COPS4: variants seen among roughly 807,000 people sequenced by gnomAD.
COPS4 encodes COP9 signalosome subunit 4.
Under a neutral mutation model 55.1 loss-of-function variants are expected in COPS4, and 8 were observed. The ratio of observed to expected loss-of-function variants is 0.15; its 90% CI spans 0.09 to 0.26. COPS4 has a LOEUF of 0.26. COPS4 is among the 10% of genes least tolerant of loss of function. The pLI is 1.00. For missense variants in COPS4, 248 were observed against 484.0 expected, an observed-to-expected ratio of 0.51 and a Z score of 4.58; for synonymous variants, 185 against 165.7, an observed-to-expected ratio of 1.12 and a Z score of -0.90.
At chr4:83,072,331 C>T (rs192512941) in intron 9 of COPS4, among the ~76,000 whole-genome samples, 19 of 151,702 alleles carry the variant, frequency 1.3e-4, no homozygotes, top group African/African-American at 4.6e-4. Context: ...AACTCCCAAC[C>T]TCAGGTGATC....
At chr4:83,037,951 A>T (rs910290689) in intron 1 of COPS4, among the ~76,000 whole-genome samples, 1 of 152,246 alleles carries the variant, frequency 6.6e-6, no homozygotes, top group Non-Finnish European at 1.5e-5. Context: ...ACTCAGTTAG[A>T]AATGCTTTCC....
intron 4 of COPS4, among the ~76,000 whole-genome samples, chr4:83,052,894 A>T (rs560491288): frequency 6.6e-6 from 1 of 152,224 alleles, no homozygotes; most frequent in East Asian, 1.9e-4. Flanking sequence ...GCCTTGCTTC[A>T]ATATTCTTAA....
chr4:83,046,114 G>A (rs6831179), intron 2 of COPS4, among the ~76,000 whole-genome samples: 151,446 of 152,136 alleles, frequency 1, 75,379 homozygotes, highest in Middle Eastern at 1. Context: ...TGTACTACAG[G>A]GTAGTACAGT....
chr4:83,054,283 A>C (rs1470592016), intron 4 of COPS4, among the ~76,000 whole-genome samples: 1 of 152,204 alleles, frequency 6.6e-6, no homozygotes, highest in Non-Finnish European at 1.5e-5. Flanking sequence ...CGGAGCTTGC[A>C]GTGAGCCAAG....
intron 2 of COPS4, among the ~76,000 whole-genome samples, chr4:83,048,850 T>C (rs938170080): frequency 2.6e-5 from 4 of 152,260 alleles, no homozygotes; most frequent in African/African-American, 9.6e-5. Context: ...TTTCACCACG[T>C]TGGTCAGGCT....
Position 83,075,236 on chromosome 4 carries a change from C to T in COPS4, c.1088-61C>T, listed in dbSNP as rs1731544129. The T allele has an allele frequency of 1.7e-5, 25 of 1,489,050 alleles. No homozygotes were observed. The South Asian group carries it at 2.7e-4, about 16-fold the overall frequency. The allele number at this position is 1,489,050 out of a possible 1,614,324, so 92.2% of individuals were successfully genotyped here. A position where few individuals can be genotyped will look rare whatever the true frequency, so the allele number is the denominator to read the frequency against. Reference sequence around the variant, plus strand: ...CATGTAAAAAGTATATATCTTTTAACTCACAGTTGCTGTGAATACAAAGGA... The same window carrying T: ...CATGTAAAAAGTATATATCTTTTAATTCACAGTTGCTGTGAATACAAAGGA... On this transcript the variant is annotated intron_variant, in intron 9 of 9. Transcript: ENST00000264389.
At chr4:83,043,404 A>G (rs564653495) in intron 1 of COPS4, among the ~76,000 whole-genome samples, 3 of 151,348 alleles carry the variant, frequency 2.0e-5, no homozygotes, top group African/African-American at 7.3e-5. Context: ...CTGTAGTCCT[A>G]GCTACTCAGG....
chr4:83,036,423 A>C (rs529463136), intron 1 of COPS4, among the ~76,000 whole-genome samples: 2 of 152,344 alleles, frequency 1.3e-5, no homozygotes, highest in East Asian at 3.9e-4. Flanking sequence ...TGTTTTAAGT[A>C]GGCTAGGCTG....
At chr4:83,045,792 T>C in intron 2 of COPS4, 87 bp downstream of exon 2, 1 of 781,960 alleles carries the variant, frequency 1.3e-6, no homozygotes, top group Admixed American at 2.5e-5. Flanking sequence ...TATCAAATTA[T>C]CAATATTAAA....
intron 4 of COPS4, among the ~76,000 whole-genome samples, chr4:83,050,215 T>C (rs1001122151): frequency 3.9e-5 from 6 of 152,144 alleles, no homozygotes; most frequent in Non-Finnish European, 7.3e-5. Context: ...CTGATGTCAC[T>C]TTATCAAAGA....
chr4:83,058,924 A>G (rs1301821921), intron 6 of COPS4, among the ~76,000 whole-genome samples: 1 of 152,256 alleles, frequency 6.6e-6, no homozygotes, highest in Non-Finnish European at 1.5e-5. Flanking sequence ...AAAAACATTC[A>G]TGAGCACCTG....
chr4:83,075,482 C>G lies in COPS4; in HGVS notation c.*52C>G, dbSNP rs531432388. 1 of 1,601,520 alleles carries G rather than the reference C, an allele frequency of 6.2e-7. No individual in the cohort carries two copies. The highest frequency in any genetic ancestry group is 1.1e-5 in the South Asian group (1 of 89,876). On this transcript the variant is annotated 3_prime_UTR_variant, in exon 10 of 10. Transcript: ENST00000264389. ...ACATCTTTTTCCATGTTGTGCAGAT[C>G]AGTTTCACTATCTCCAAAGCATTTG...
In COPS4 at chr4:83,054,394, C is replaced by T. The variant is rs115055480; in HGVS notation, c.411-2532C>T. On this transcript the variant is annotated intron_variant, in intron 4 of 9. Transcript: ENST00000264389. ...AAAAATAACTTCATCTGCTTTTCTA[C>T]TCGTTTGCCAGGTGAACGGGGGATT... is the stretch of plus-strand genomic sequence containing the variant. Among the ~76,000 whole-genome samples the T allele has an allele frequency of 9.0e-3, 1,373 of 152,264 alleles. 33 individuals are homozygous for T. The highest frequency in any genetic ancestry group is 0.03 in the African/African-American group (1,265 of 41,568).
At chr4:83,054,250 G>A (rs1336833859) in intron 4 of COPS4, among the ~76,000 whole-genome samples, 1 of 151,956 alleles carries the variant, frequency 6.6e-6, no homozygotes, top group Non-Finnish European at 1.5e-5. Context: ...GCTGAGGCAG[G>A]AGAATGGTGT....
In COPS4 at chr4:83,075,650, T is replaced by C. The variant is rs1412342924; in HGVS notation, c.*220T>C. On this transcript the variant is annotated 3_prime_UTR_variant, in exon 10 of 10. Transcript: ENST00000264389. ...TGTGTATTAAGCTAACTCAGATGTTTTGAAAGCTTTTTCTTTAAACAGAGG... is the reference window on the plus strand; with the variant it reads ...TGTGTATTAAGCTAACTCAGATGTTCTGAAAGCTTTTTCTTTAAACAGAGG... 5.0e-6 allele frequency: 2 copies of C among 403,756 alleles called. No homozygotes were observed. The highest frequency in any genetic ancestry group is 2.1e-5 in the African/African-American group (1 of 48,756). The allele number at this position is 403,756 out of a possible 1,614,324, so 25.0% of individuals were successfully genotyped here.
intron 6 of COPS4, among the ~76,000 whole-genome samples, chr4:83,060,020 AGGTACTT>A (rs1298398009): frequency 2.6e-5 from 4 of 151,896 alleles, no homozygotes; most frequent in Non-Finnish European, 5.9e-5. Flanking sequence ...CCATTCTTAT[AGGTACTT>A]CCGCATTCCC....
intron 4 of COPS4, among the ~76,000 whole-genome samples, chr4:83,053,074 A>G (rs1258523322): frequency 6.6e-6 from 1 of 152,206 alleles, no homozygotes; most frequent in Non-Finnish European, 1.5e-5. Context: ...AATGATTAAA[A>G]TTAGATCAGT....
intron 9 of COPS4, among the ~76,000 whole-genome samples, chr4:83,069,668 T>C (rs1443150523): frequency 1.3e-5 from 2 of 152,240 alleles, no homozygotes; most frequent in African/African-American, 4.8e-5. Context: ...AAGCCATCAG[T>C]ATGAAATATT....
rs112471936 is a variant in COPS4 at position 83,048,974 on chromosome 4, T to A, written c.155-192T>A. Among the ~76,000 whole-genome samples, 959 of 152,190 alleles carry A rather than the reference T, an allele frequency of 6.3e-3. 16 individuals are homozygous for A. The highest frequency in any genetic ancestry group is 5.4e-3 in the South Asian group (26 of 4,820). ...TTACTGTTTTTGTGTGGTCATTGTG[T>A]AATCAAGTATTTCAGCATAAGGAAA... On this transcript the variant is annotated intron_variant, in intron 2 of 9. Transcript: ENST00000264389.
Sources: gnomAD v4.1 joint callset for allele counts (sites outside exome capture counted in the v4.1 genomes callset) on GRCh38, gnomAD v4.1.1 for gene constraint, MANE v1.5 for transcripts, NCBI Gene and HGNC (gene_info 2026-07-23, HGNC 2026-07-21) for gene names.